The following USH2A variants were observed in gnomAD, a reference collection of about 807,000 sequenced individuals.
USH2A encodes the protein usherin, also known as Usher syndrome 2A (autosomal recessive, mild).
Under a neutral mutation model 538.9 loss-of-function variants are expected in USH2A, and 443 were observed. The observed-to-expected ratio is 0.82, with a 90% CI of 0.76 to 0.89. USH2A has a LOEUF of 0.89. Among genes scored for constraint, USH2A ranks in the 40% least tolerant of loss-of-function variants. The pLI is 0.00. For missense variants in USH2A, 6,633 were observed against 6,324.8 expected (o/e 1.05, Z -1.65); for synonymous variants, 2,413 against 2,273.5 (o/e 1.06, Z -1.75).
intron 44 of USH2A, among the ~76,000 whole-genome samples, chr1:215,854,999 C>A (rs966802385): frequency 2.0e-5 from 3 of 152,174 alleles, no homozygotes; most frequent in African/African-American, 7.2e-5. Context: ...TGCTCTTTGT[C>A]AGAAAAGAGA....
At chr1:216,287,722 T>C (rs1413650561) in intron 11 of USH2A, among the ~76,000 whole-genome samples, 1 of 152,138 alleles carries the variant, frequency 6.6e-6, no homozygotes, top group Admixed American at 6.5e-5. Context: ...GTTAGACACG[T>C]AACTGAGATT....
chr1:216,343,767 T>C (rs148442147), intron 4 of USH2A, among the ~76,000 whole-genome samples: 1,718 of 152,194 alleles, frequency 0.011, 15 homozygotes, highest in Non-Finnish European at 0.019. Flanking sequence ...ATATTTTATT[T>C]TGTAACAAAA....
chr1:215,900,214 T>C lies in USH2A; in HGVS notation c.7455A>G (p.Leu2485=). 1 of 1,613,396 alleles carries C rather than the reference T, an allele frequency of 6.2e-7. No individual in the cohort carries two copies. The highest frequency in any genetic ancestry group is 8.5e-7 in the Non-Finnish European group (1 of 1,179,660). ...SGDSTHGFLE[L]FSNPSASLSY... Reference sequence around the variant, plus strand: ...TTAACGATGCAGAAGGATTGGAAAATAACCTGTATGGGAAATAAATGTCAA... The same window carrying C: ...TTAACGATGCAGAAGGATTGGAAAACAACCTGTATGGGAAATAAATGTCAA... Residue 2485 remains leucine, a synonymous_variant, in exon 40 of 72, where the codon TTA becomes TTG. Transcript: ENST00000307340.
intron 50 of USH2A, among the ~76,000 whole-genome samples, chr1:215,797,442 T>C (rs546503567): frequency 2.6e-5 from 4 of 152,210 alleles, no homozygotes; most frequent in East Asian, 3.9e-4. Flanking sequence ...AGAGCTTTCA[T>C]AGGTAGAGGG....
intron 33 of USH2A, 141 bp downstream of exon 33, chr1:216,000,262 G>T: frequency 8.4e-7 from 1 of 1,187,352 alleles, no homozygotes; most frequent in Non-Finnish European, 1.2e-6. Context: ...ATAATCAAAG[G>T]TTCCCAGATC....
intron 64 of USH2A, among the ~76,000 whole-genome samples, chr1:215,664,745 C>T (rs1043611949): frequency 1.3e-5 from 2 of 151,952 alleles, no homozygotes; most frequent in African/African-American, 4.8e-5. Context: ...AGGGTGGAGC[C>T]CTCATGAAGG....
intron 30 of USH2A, among the ~76,000 whole-genome samples, chr1:216,063,677 G>A (rs534372030): frequency 1.5e-4 from 23 of 152,182 alleles, no homozygotes; most frequent in South Asian, 1.5e-3. Flanking sequence ...AGTGACTCCC[G>A]TACTTAAATA....
intron 15 of USH2A, among the ~76,000 whole-genome samples, chr1:216,213,720 G>A (rs921726340): frequency 1.3e-5 from 2 of 151,408 alleles, no homozygotes; most frequent in Non-Finnish European, 3.0e-5. Flanking sequence ...ACCCATAAAG[G>A]AAAAGCTTGG....
At chr1:215,975,050 G>A (rs868609923) in intron 35 of USH2A, among the ~76,000 whole-genome samples, 83 of 152,182 alleles carry the variant, frequency 5.5e-4, no homozygotes, top group African/African-American at 1.9e-3. Flanking sequence ...GTGTGAGATG[G>A]TACTCGTTGT....
In USH2A at chr1:216,048,525, T is replaced by A; in HGVS notation, c.6163+9A>T. 1 of 1,612,228 alleles carries A rather than the reference T, an allele frequency of 6.2e-7. No homozygotes were observed. Among genetic ancestry groups the A allele is most frequent in the Non-Finnish European group, 8.5e-7 (1 of 1,178,272 alleles). On this transcript the variant is annotated intron_variant, in intron 31 of 71. Coordinates refer to ENST00000307340, the MANE Select transcript of USH2A (RefSeq NM_206933.4). ...AATGTGGAAGTCAAGACCTTTGAAA[T>A]TACTTTACCTTCTTGTGGAGTAGAG...
At chr1:216,088,923 G>T in intron 23 of USH2A, 90 bp downstream of exon 23, 1 of 1,567,008 alleles carries the variant, frequency 6.4e-7, no homozygotes, top group Non-Finnish European at 8.7e-7. Context: ...AAATTATGGT[G>T]AAATAAGAAT....
intron 47 of USH2A, among the ~76,000 whole-genome samples, chr1:215,833,438 A>T (rs1190509064): frequency 6.6e-6 from 1 of 151,774 alleles, no homozygotes; most frequent in African/African-American, 2.4e-5. Flanking sequence ...AAAAATATTC[A>T]ATAAAGAAAA....
At chr1:215,972,769 G>C (rs574677676) in intron 35 of USH2A, among the ~76,000 whole-genome samples, 2 of 151,970 alleles carry the variant, frequency 1.3e-5, no homozygotes, top group African/African-American at 2.4e-5. Context: ...TTACTCTCAG[G>C]TACCACTTAT....
intron 51 of USH2A, among the ~76,000 whole-genome samples, chr1:215,788,915 CCAAAA>C (rs142498202): frequency 0.2 from 29,407 of 149,418 alleles, 3,054 homozygotes; most frequent in East Asian, 0.35. Flanking sequence ...AACTTGGAAT[CCAAAA>C]CAAAACAAAA....
chr1:215,652,606 AGGG>A (rs1657118031), intron 64 of USH2A, among the ~76,000 whole-genome samples: 2 of 152,158 alleles, frequency 1.3e-5, no homozygotes, highest in Non-Finnish European at 2.9e-5. Flanking sequence ...TACACTAGGG[AGGG>A]GAGGTGGAGG....
chr1:215,989,344 G>A (rs1373398980), intron 35 of USH2A, among the ~76,000 whole-genome samples: 1 of 152,078 alleles, frequency 6.6e-6, no homozygotes, highest in African/African-American at 2.4e-5. Flanking sequence ...GATGCAGAGG[G>A]ATGACATGTC....
At chr1:215,740,112 C>T (rs1250129059) in intron 60 of USH2A, among the ~76,000 whole-genome samples, 1 of 152,154 alleles carries the variant, frequency 6.6e-6, no homozygotes, top group Non-Finnish European at 1.5e-5. Context: ...TATTTGCCCC[C>T]TTGGCTCTTT....
intron 37 of USH2A, among the ~76,000 whole-genome samples, chr1:215,946,680 C>T (rs1005375671): frequency 2.0e-5 from 3 of 152,126 alleles, no homozygotes; most frequent in Non-Finnish European, 2.9e-5. Context: ...ATACAATAGC[C>T]CCTATCCACA....
intron 3 of USH2A, among the ~76,000 whole-genome samples, chr1:216,394,583 G>T (rs1001334363): frequency 6.6e-6 from 1 of 152,004 alleles, no homozygotes; most frequent in African/African-American, 2.4e-5. Flanking sequence ...ATGTGATTAT[G>T]ATTTTATTTG....
Sources: allele counts gnomAD v4.1 joint callset (sites outside exome capture counted in the v4.1 genomes callset), GRCh38; gene constraint gnomAD v4.1.1; transcripts MANE v1.5; gene names NCBI Gene and HGNC (gene_info 2026-07-23, HGNC 2026-07-21).